The following TRDN variants were observed in gnomAD, a reference collection of about 807,000 sequenced individuals.
The protein encoded by TRDN is triadin in skeletal muscle.
Under a neutral mutation model 149.7 loss-of-function variants are expected in TRDN, and 161 were observed. The ratio of observed to expected loss-of-function variants is 1.08; its 90% CI spans 0.95 to 1.23. The LOEUF is 1.23. Among genes scored for constraint, TRDN ranks in the 50% most tolerant of loss-of-function variants. The pLI, the probability that TRDN is intolerant of heterozygous loss-of-function variation, is 0.00. For synonymous variants in TRDN, 294 were observed against 250.5 expected (o/e 1.17, Z -1.64); for missense variants, 896 against 823.5 (o/e 1.09, Z -1.08).
chr6:123,518,543 T>G (rs183460629), intron 5 of TRDN, among the ~76,000 whole-genome samples: 125 of 152,290 alleles, frequency 8.2e-4, no homozygotes, highest in African/African-American at 3.0e-3. Flanking sequence ...GGACAGCTGG[T>G]TGTCCATTCC....
chr6:123,533,768 T>C (rs182404317), intron 4 of TRDN, among the ~76,000 whole-genome samples: 1 of 152,180 alleles, frequency 6.6e-6, no homozygotes, highest in East Asian at 1.9e-4. Flanking sequence ...GTAAATGTAT[T>C]ATCTCCCTTT....
intron 24 of TRDN, among the ~76,000 whole-genome samples, chr6:123,310,103 A>G (rs1315353112): frequency 6.6e-6 from 1 of 152,070 alleles, no homozygotes; most frequent in Non-Finnish European, 1.5e-5. Context: ...TAATCTCTGC[A>G]TAAGCAGTTC....
At position 123,373,814 on chromosome 6, in the gene TRDN, G is replaced by T. The variant is rs1483269703; in HGVS notation, c.1273+1791C>A. Reference sequence around the variant, plus strand: ...TACTGTAAAATCATATCTCAAATGTGCAGGTTATATACAGAAAACTATGTG... The same window carrying T: ...TACTGTAAAATCATATCTCAAATGTTCAGGTTATATACAGAAAACTATGTG... On this transcript the variant is annotated intron_variant, in intron 19 of 40. Transcript: ENST00000334268. Among the ~76,000 whole-genome samples the T allele has an allele frequency of 2.0e-5, 3 of 152,060 alleles. 1 individual carries two copies. Among genetic ancestry groups the T allele is most frequent in the South Asian group, 4.1e-4 (2 of 4,820 alleles).
chr6:123,602,748 T>A (rs1308509745), intron 1 of TRDN, among the ~76,000 whole-genome samples: 3 of 152,058 alleles, frequency 2.0e-5, no homozygotes, highest in African/African-American at 4.8e-5. Context: ...TCCCTCTCCC[T>A]GCACTTATGG....
intron 1 of TRDN, among the ~76,000 whole-genome samples, chr6:123,575,854 A>T (rs1195476814): frequency 6.6e-6 from 1 of 152,134 alleles, no homozygotes; most frequent in African/African-American, 2.4e-5. Flanking sequence ...GTGCACTTCC[A>T]TATTATTATT....
chr6:123,494,489 T>C (rs1029944356), intron 9 of TRDN, among the ~76,000 whole-genome samples: 3 of 152,194 alleles, frequency 2.0e-5, no homozygotes, highest in Non-Finnish European at 2.9e-5. Context: ...ATAACTACTA[T>C]GAATGATTTC....
chr6:123,600,516 G>T (rs1784231700), intron 1 of TRDN, among the ~76,000 whole-genome samples: 1 of 152,030 alleles, frequency 6.6e-6, no homozygotes, highest in African/African-American at 2.4e-5. Context: ...GTGGAGTCCT[G>T]GCAGTGGGGG....
At chr6:123,599,250 A>G (rs1383991339) in intron 1 of TRDN, among the ~76,000 whole-genome samples, 4 of 152,098 alleles carry the variant, frequency 2.6e-5, no homozygotes, top group African/African-American at 9.7e-5. Context: ...ATGAAATTCT[A>G]AAATTCTGAG....
intron 21 of TRDN, among the ~76,000 whole-genome samples, chr6:123,345,578 T>C (rs1780217778): frequency 6.6e-6 from 1 of 152,058 alleles, no homozygotes; most frequent in Admixed American, 6.6e-5. Context: ...AGAATTAGTT[T>C]GTCAATAGCC....
At chr6:123,298,191 G>A (rs1183465016) in intron 24 of TRDN, among the ~76,000 whole-genome samples, 1 of 152,034 alleles carries the variant, frequency 6.6e-6, no homozygotes, top group Non-Finnish European at 1.5e-5. Context: ...ATTGGGACTA[G>A]GTTCTAATAA....
Position 123,267,707 on chromosome 6 carries a change from CT to C in TRDN, c.1782del (p.Asp595ThrfsTer34). ...ATATAAACCAAAAATGGTAAAATAC[CT>C]GTTTTTATAGATGGAGGTTCTCTTT... Reference protein sequence around the residue: ...HREREPPSIKTDKPKPTPKGT... With the variant: ...HREREPPSIKXDKPKPTPKGT... On this transcript the variant is annotated frameshift_variant and splice_region_variant, in exon 32 of 41. Coordinates refer to ENST00000334268, the MANE Select transcript of TRDN (RefSeq NM_006073.4). LOFTEE classifies it high-confidence loss of function. The C allele has an allele frequency of 6.4e-7, 1 of 1,565,880 alleles. No individual in the cohort carries two copies. Among genetic ancestry groups the C allele is most frequent in the Non-Finnish European group, 8.7e-7 (1 of 1,155,210 alleles).
intron 5 of TRDN, among the ~76,000 whole-genome samples, chr6:123,520,371 G>A (rs941273904): frequency 4.6e-5 from 7 of 152,040 alleles, no homozygotes; most frequent in African/African-American, 1.7e-4. Flanking sequence ...ATAAGAGTCC[G>A]TGACAGACCA....
chr6:123,221,501 G>T lies in TRDN; in HGVS notation c.2036C>A (p.Pro679His). 1.3e-6 allele frequency: 2 copies of T among 1,567,380 alleles called. No homozygotes were observed. The highest frequency in any genetic ancestry group is 1.7e-6 in the Non-Finnish European group (2 of 1,144,748). The change falls in exon 40 of 41, where the codon CCC becomes CAC. Residue 679 changes from proline to histidine, a missense_variant. By Grantham distance (77) the Pro-to-His change is moderately conservative. Coordinates refer to ENST00000334268, the MANE Select transcript of TRDN (RefSeq NM_006073.4). ...KAKEGTEDVS[P>H]TKQKSPISFF... ...TATAAACTTACTTTTCTGCTTTGTG[G>T]GAGACACATCTTCAGTTCCTTCTAG...
intron 25 of TRDN, 40 bp downstream of exon 25, chr6:123,279,016 A>C: frequency 1.3e-6 from 2 of 1,576,608 alleles, no homozygotes; most frequent in Non-Finnish European, 1.7e-6. Flanking sequence ...ATGTATGTAC[A>C]TATGTACGTG....
chr6:123,562,144 G>A (rs879303505), intron 2 of TRDN, among the ~76,000 whole-genome samples: 16 of 152,026 alleles, frequency 1.1e-4, no homozygotes, highest in African/African-American at 2.4e-4. Flanking sequence ...TGAGCACCTC[G>A]TGACCCCTGC....
Position 123,273,352 on chromosome 6 carries a change from T to G in TRDN, c.1609A>C (p.Lys537Gln). ...TAATACATACTGTGTATTTGCACTTTTTCAGATATAGCTAAAATAAATAAA... is the reference window on the plus strand; with the variant it reads ...TAATACATACTGTGTATTTGCACTTGTTCAGATATAGCTAAAATAAATAAA... ...KKEAKPAISEKVQIHKQDIVK... is the reference protein window; with the variant it reads ...KKEAKPAISEQVQIHKQDIVK... The change falls in exon 28 of 41, where the codon AAA becomes CAA. Residue 537 changes from lysine (K) to glutamine (Q), a missense_variant. Coordinates refer to ENST00000334268, the MANE Select transcript of TRDN (RefSeq NM_006073.4). The G allele has an allele frequency of 9.7e-7, 1 of 1,029,292 alleles. No individual in the cohort carries two copies. Among genetic ancestry groups the G allele is most frequent in the Non-Finnish European group, 1.3e-6 (1 of 760,812 alleles). 63.8% of individuals were successfully genotyped at this position (1,029,292 alleles called of 1,614,324 possible). A position where few individuals can be genotyped will look rare whatever the true frequency, so the allele number is the denominator to read the frequency against.
chr6:123,257,985 G>GT (rs1776623310), intron 35 of TRDN, among the ~76,000 whole-genome samples: 1 of 152,146 alleles, frequency 6.6e-6, no homozygotes, highest in African/African-American at 2.4e-5. Flanking sequence ...CATTGATTTT[G>GT]TATCTTGAGA....
intron 21 of TRDN, chr6:123,350,622 G>A: frequency 1.3e-6 from 1 of 749,006 alleles, no homozygotes; most frequent in Non-Finnish European, 1.6e-6. Flanking sequence ...TTTATTAAAA[G>A]CACAAAATAT....
chr6:123,459,838 C>A (rs1776347927), intron 10 of TRDN, among the ~76,000 whole-genome samples: 1 of 152,128 alleles, frequency 6.6e-6, no homozygotes, highest in Non-Finnish European at 1.5e-5. Context: ...TAGGAGACAC[C>A]TGGCTTTCAA....
Sources: gnomAD v4.1 joint callset for allele counts (sites outside exome capture counted in the v4.1 genomes callset) on GRCh38, gnomAD v4.1.1 for gene constraint, MANE v1.5 for transcripts, NCBI Gene and HGNC (gene_info 2026-07-23, HGNC 2026-07-21) for gene names.